The following HSD17B12 variants were observed in gnomAD, a reference collection of about 807,000 sequenced individuals.
HSD17B12 encodes the protein hydroxysteroid 17-beta dehydrogenase 12.
HSD17B12 carries 32 observed loss-of-function variants against 39.3 expected under a neutral mutation model. The observed-to-expected ratio is 0.81, with a 90% CI of 0.61 to 1.09. The LOEUF is 1.09. HSD17B12 is among the 50% of genes least tolerant of loss of function. The pLI, the probability that HSD17B12 is intolerant of heterozygous loss-of-function variation, is 0.00. For synonymous variants in HSD17B12, 150 were observed against 146.7 expected, an observed-to-expected ratio of 1.02 and a Z score of -0.16; for missense variants, 342 against 382.9, an observed-to-expected ratio of 0.89 and a Z score of 0.89.
intron 3 of HSD17B12, among the ~76,000 whole-genome samples, chr11:43,768,772 G>C (rs11037614): frequency 2.6e-5 from 4 of 152,036 alleles, no homozygotes; most frequent in Admixed American, 2.6e-4. Flanking sequence ...GCGGGTTGCC[G>C]TGGCTGGCTC....
intron 9 of HSD17B12, among the ~76,000 whole-genome samples, chr11:43,842,969 C>T (rs1042920286): frequency 6.6e-6 from 1 of 152,222 alleles, no homozygotes; most frequent in African/African-American, 2.4e-5. Flanking sequence ...AGATTTTCCA[C>T]CTAGTAATCT....
chr11:43,631,461 G>C, the HSD17B12 span, among the ~76,000 whole-genome samples: 2 of 152,122 alleles, frequency 1.3e-5, no homozygotes, highest in African/African-American at 4.8e-5. Flanking sequence ...TATAAAAGGA[G>C]ACACTTAACA....
intron 1 of HSD17B12, among the ~76,000 whole-genome samples, chr11:43,745,833 T>G (rs1450739344): frequency 6.6e-6 from 1 of 151,994 alleles, no homozygotes; most frequent in Non-Finnish European, 1.5e-5. Context: ...GAGTTCAACA[T>G]AGCAAGACCT....
At chr11:43,812,784 G>T (rs946022683) in intron 4 of HSD17B12, among the ~76,000 whole-genome samples, 1 of 152,144 alleles carries the variant, frequency 6.6e-6, no homozygotes, top group African/African-American at 2.4e-5. Context: ...TGAATAAATA[G>T]CTTTGATAGC....
At chr11:43,699,171 T>C (rs1949939706) in intron 1 of HSD17B12, among the ~76,000 whole-genome samples, 1 of 152,196 alleles carries the variant, frequency 6.6e-6, no homozygotes, top group African/African-American at 2.4e-5. Flanking sequence ...TAGCTTGACA[T>C]AACTGTTTAA....
At chr11:43,609,473 C>G in the HSD17B12 span, among the ~76,000 whole-genome samples, 1 of 151,854 alleles carries the variant, frequency 6.6e-6, no homozygotes, top group Non-Finnish European at 1.5e-5. Context: ...TCAAGCAATC[C>G]TCCCATCTCA....
At chr11:43,557,245 G>C in the HSD17B12 span, among the ~76,000 whole-genome samples, 27 of 152,206 alleles carry the variant, frequency 1.8e-4, no homozygotes. Flanking sequence ...CTGTGGTTTG[G>C]GGGTGGAGGG....
the HSD17B12 span, among the ~76,000 whole-genome samples, chr11:43,652,313 A>AT: frequency 6.6e-6 from 1 of 152,194 alleles, no homozygotes; most frequent in East Asian, 1.9e-4. Flanking sequence ...TAGGTGTGGA[A>AT]AAAGGAACTT....
the HSD17B12 span, among the ~76,000 whole-genome samples, chr11:43,622,168 G>T: frequency 6.6e-6 from 1 of 152,114 alleles, no homozygotes; most frequent in African/African-American, 2.4e-5. Flanking sequence ...CATTCAAGAG[G>T]GTAATATAGA....
intron 1 of HSD17B12, among the ~76,000 whole-genome samples, chr11:43,703,972 C>G (rs1171636794): frequency 6.6e-6 from 1 of 151,272 alleles, no homozygotes; most frequent in Non-Finnish European, 1.5e-5. Flanking sequence ...TCTTGCTTTT[C>G]TAGTTCTTTA....
At chr11:43,739,527 C>A (rs1461975117) in intron 1 of HSD17B12, among the ~76,000 whole-genome samples, 2 of 152,214 alleles carry the variant, frequency 1.3e-5, no homozygotes, top group African/African-American at 2.4e-5. Context: ...CCTGTTGCTG[C>A]ATCCTTCGAA....
intron 1 of HSD17B12, among the ~76,000 whole-genome samples, chr11:43,702,486 A>G (rs1013161164): frequency 6.6e-6 from 1 of 152,220 alleles, no homozygotes. Flanking sequence ...TGTTCCTGCT[A>G]TACCCAGTTT....
the HSD17B12 span, among the ~76,000 whole-genome samples, chr11:43,654,682 G>T: frequency 1.3e-5 from 2 of 152,126 alleles, no homozygotes; most frequent in South Asian, 2.1e-4. Flanking sequence ...ATTTTGTCAG[G>T]TTTGTCAAAG....
chr11:43,736,419 G>C (rs1950316999), intron 1 of HSD17B12, among the ~76,000 whole-genome samples: 1 of 152,160 alleles, frequency 6.6e-6, no homozygotes. Flanking sequence ...TCAAAAGAAG[G>C]GGAGTAAAGA....
intron 1 of HSD17B12, among the ~76,000 whole-genome samples, chr11:43,706,586 A>C (rs1435342057): frequency 6.6e-6 from 1 of 152,066 alleles, no homozygotes; most frequent in Non-Finnish European, 1.5e-5. Context: ...TTGGTCATAC[A>C]CTATTGCTTG....
At chr11:43,672,182 G>GGA in the HSD17B12 span, among the ~76,000 whole-genome samples, 4 of 152,230 alleles carry the variant, frequency 2.6e-5, no homozygotes, top group Middle Eastern at 0.014. Context: ...CCAAGTAGCT[G>GGA]GGACTACAGG....
the HSD17B12 span, among the ~76,000 whole-genome samples, chr11:43,591,200 C>A: frequency 7.9e-5 from 12 of 152,198 alleles, no homozygotes; most frequent in Non-Finnish European, 1.6e-4. Context: ...TAAAGAAATA[C>A]ATTTTTATTG....
chr11:43,624,159 C>T, the HSD17B12 span, among the ~76,000 whole-genome samples: 6 of 151,914 alleles, frequency 3.9e-5, 1 homozygote, highest in African/African-American at 1.4e-4. Flanking sequence ...CTTCACTCTG[C>T]GAGTTTGAAG....
At chr11:43,640,202 AG>A in the HSD17B12 span, among the ~76,000 whole-genome samples, 4 of 151,998 alleles carry the variant, frequency 2.6e-5, no homozygotes, top group African/African-American at 9.7e-5. Context: ...CACTGTGGGG[AG>A]GGGGGAAAGC....
Sources: gnomAD v4.1 joint callset for allele counts (sites outside exome capture counted in the v4.1 genomes callset) on GRCh38, gnomAD v4.1.1 for gene constraint, MANE v1.5 for transcripts, NCBI Gene and HGNC (gene_info 2026-07-23, HGNC 2026-07-21) for gene names.